Variants in EMSY observed in about 807,000 individuals in gnomAD.
EMSY encodes the protein BRCA2-interacting transcriptional repressor EMSY.
EMSY carries 26 observed loss-of-function variants against 134.6 expected under a neutral mutation model. That is an observed-to-expected ratio of 0.19 (90% confidence interval 0.14 to 0.27). The LOEUF is 0.27. Among genes scored for constraint, EMSY ranks in the 10% least tolerant of loss-of-function variants. The pLI is 1.00. For missense variants in EMSY, 1,305 were observed against 1,611.4 expected, an observed-to-expected ratio of 0.81 and a Z score of 3.26; for synonymous variants, 579 against 577.8, an observed-to-expected ratio of 1.00 and a Z score of -0.03.
At chr11:76,550,216 G>T in exon 21 of EMSY, 1 of 1,314,904 alleles carries the variant, frequency 7.6e-7, no homozygotes, top group South Asian at 2.1e-5. Flanking sequence ...CTTGTATTTT[G>T]ATGACTAAAA....
chr11:76,500,502 T>C (rs1353895416), intron 9 of EMSY, among the ~76,000 whole-genome samples: 1 of 152,146 alleles, frequency 6.6e-6, no homozygotes, highest in Non-Finnish European at 1.5e-5. Context: ...AAGCAGATAA[T>C]ATAAAAGCTG....
At chr11:76,446,305 A>G (rs1453305725) in intron 1 of EMSY, among the ~76,000 whole-genome samples, 2 of 111,608 alleles carry the variant, frequency 1.8e-5, no homozygotes, top group Non-Finnish European at 3.8e-5. Flanking sequence ...GAGAGAGTAT[A>G]TATATATGTG....
chr11:76,473,629 A>G (rs1460722881), intron 8 of EMSY, among the ~76,000 whole-genome samples: 5 of 151,956 alleles, frequency 3.3e-5, no homozygotes, highest in Non-Finnish European at 5.9e-5. Context: ...ATTTTTCTGT[A>G]TGGATAGATG....
At chr11:76,446,178 T>C (rs1161814317) in intron 1 of EMSY, among the ~76,000 whole-genome samples, 1 of 151,980 alleles carries the variant, frequency 6.6e-6, no homozygotes, top group Non-Finnish European at 1.5e-5. Flanking sequence ...CAGAGCCGTG[T>C]CTTTTTGTCT....
chr11:76,491,690 A>T (rs1017990140), intron 8 of EMSY, among the ~76,000 whole-genome samples: 1 of 152,236 alleles, frequency 6.6e-6, no homozygotes, highest in Non-Finnish European at 1.5e-5. Flanking sequence ...CACACCGTGG[A>T]AGCCCACTTT....
chr11:76,498,435 A>G (rs914574245), intron 9 of EMSY, among the ~76,000 whole-genome samples: 5 of 152,178 alleles, frequency 3.3e-5, no homozygotes, highest in African/African-American at 9.6e-5. Context: ...AAAGTCCCCA[A>G]CTAATTGTTG....
chr11:76,494,647 TTCCCTTCCTTCC>T (rs1949554825), intron 8 of EMSY, among the ~76,000 whole-genome samples: 3 of 135,292 alleles, frequency 2.2e-5, no homozygotes, highest in East Asian at 4.4e-4. Context: ...CTCCTTTCCT[TTCCCTTCCTTCC>T]TTCCTTCCTT....
chr11:76,474,588 A>C (rs551524068), intron 8 of EMSY, among the ~76,000 whole-genome samples: 175 of 152,326 alleles, frequency 1.1e-3, no homozygotes, highest in African/African-American at 3.8e-3. Context: ...CAGCTGTTAT[A>C]GTAGGATATG....
intron 11 of EMSY, among the ~76,000 whole-genome samples, chr11:76,522,534 A>AT (rs1261448258): frequency 1.3e-5 from 2 of 151,470 alleles, no homozygotes; most frequent in East Asian, 1.9e-4. Flanking sequence ...CCCCCAGCTA[A>AT]TTTTTTTGTA....
chr11:76,512,364 A>G (rs1950308111), intron 9 of EMSY, among the ~76,000 whole-genome samples: 1 of 152,110 alleles, frequency 6.6e-6, no homozygotes, highest in Admixed American at 6.5e-5. Context: ...TTGCTCTAGT[A>G]TATTGACTTT....
intron 10 of EMSY, among the ~76,000 whole-genome samples, chr11:76,514,230 A>T (rs1274513088): frequency 6.6e-6 from 1 of 152,110 alleles, no homozygotes; most frequent in Non-Finnish European, 1.5e-5. Context: ...ATAAGTACTA[A>T]ATGAAATCAG....
intron 19 of EMSY, 53 bp from the exon 21 acceptor site, chr11:76,545,744 G>T (rs1951621753): frequency 2.0e-6 from 3 of 1,530,344 alleles, no homozygotes; most frequent in Non-Finnish European, 2.6e-6. Context: ...TGTTTGATTA[G>T]ATTTTCTCAA....
At chr11:76,464,804 A>G (rs1011099831) in intron 7 of EMSY, among the ~76,000 whole-genome samples, 1 of 152,208 alleles carries the variant, frequency 6.6e-6, no homozygotes, top group African/African-American at 2.4e-5. Flanking sequence ...GGGACCTTGC[A>G]TGGTAGACTG....
chr11:76,503,505 A>C (rs532518716), intron 9 of EMSY, among the ~76,000 whole-genome samples: 1 of 152,148 alleles, frequency 6.6e-6, no homozygotes, highest in Non-Finnish European at 1.5e-5. Context: ...AGATCATTCA[A>C]TGGGGGAAAA....
intron 8 of EMSY, among the ~76,000 whole-genome samples, chr11:76,493,854 A>T (rs999174748): frequency 3.3e-5 from 5 of 152,218 alleles, no homozygotes; most frequent in African/African-American, 1.2e-4. Flanking sequence ...GCTGTAACAC[A>T]AACAGGGCTG....
intron 8 of EMSY, 45 bp downstream of exon 9, chr11:76,472,885 G>C (rs1948630706): frequency 3.1e-6 from 5 of 1,588,348 alleles, no homozygotes; most frequent in Admixed American, 3.4e-5. Context: ...TTGCTATATG[G>C]AATTTTGAAG....
Position 76,457,665 on chromosome 11 carries a change from G to A in EMSY, c.246-518G>A, listed in dbSNP as rs57762592. Reference sequence around the variant, plus strand: ...CACTCTTCTGTTCTTTTCTACTTAGGCTCCCTTGTTTACTGCCTCAGTTTC... The same window carrying A: ...CACTCTTCTGTTCTTTTCTACTTAGACTCCCTTGTTTACTGCCTCAGTTTC... On this transcript the variant is annotated intron_variant, in intron 4 of 20. Transcript: ENST00000334736. Among the ~76,000 whole-genome samples, 1,427 of 152,154 alleles carry A rather than the reference G, an allele frequency of 9.4e-3. 22 individuals are homozygous for A. The highest frequency in any genetic ancestry group is 0.033 in the African/African-American group (1,356 of 41,492).
intron 8 of EMSY, among the ~76,000 whole-genome samples, chr11:76,488,753 A>G (rs1949295968): frequency 1.3e-5 from 2 of 152,122 alleles, no homozygotes; most frequent in Admixed American, 6.5e-5. Flanking sequence ...CCATCAAGGA[A>G]TTTCTTTTCA....
At chr11:76,465,472 C>T (rs1030984232) in intron 7 of EMSY, among the ~76,000 whole-genome samples, 2 of 152,038 alleles carry the variant, frequency 1.3e-5, no homozygotes, top group Middle Eastern at 3.4e-3. Flanking sequence ...TACAGCCTTG[C>T]ACGTAGTAAA....
Sources: allele counts gnomAD v4.1 joint callset (sites outside exome capture counted in the v4.1 genomes callset), GRCh38; gene constraint gnomAD v4.1.1; transcripts MANE v1.5; gene names NCBI Gene and HGNC (gene_info 2026-07-23, HGNC 2026-07-21).